Variants in SESN1 observed in about 807,000 individuals in gnomAD.
SESN1 encodes sestrin-1.
SESN1 carries 30 observed loss-of-function variants against 59.3 expected under a neutral mutation model. The ratio of observed to expected loss-of-function variants is 0.51; its 90% CI spans 0.38 to 0.69. The LOEUF is 0.69. SESN1 is among the 30% of genes least tolerant of loss of function. SESN1 has a pLI of 0.00. For missense variants in SESN1, 566 were observed against 673.0 expected, an observed-to-expected ratio of 0.84 and a Z score of 1.76; for synonymous variants, 197 against 219.9, an observed-to-expected ratio of 0.90 and a Z score of 0.92.
chr6:109,033,704 T>G (rs1780215704), intron 1 of SESN1, among the ~76,000 whole-genome samples: 1 of 152,124 alleles, frequency 6.6e-6, no homozygotes, highest in Non-Finnish European at 1.5e-5. Context: ...AAGAGCAAAA[T>G]TTGATAATAT....
At chr6:109,044,427 A>G (rs1186367485) in intron 1 of SESN1, among the ~76,000 whole-genome samples, 1 of 151,772 alleles carries the variant, frequency 6.6e-6, no homozygotes, top group African/African-American at 2.4e-5. Context: ...TAGGACATCC[A>G]TACGCAAAGA....
intron 2 of SESN1, 110 bp downstream of exon 2, chr6:109,002,168 C>CT (rs1779639615): frequency 1.1e-6 from 1 of 902,662 alleles, no homozygotes. Flanking sequence ...GCAACCAACT[C>CT]TGACTAAAAC....
At chr6:109,042,392 T>G (rs1219436058) in intron 1 of SESN1, among the ~76,000 whole-genome samples, 1 of 147,328 alleles carries the variant, frequency 6.8e-6, no homozygotes, top group Non-Finnish European at 1.5e-5. Context: ...AACAAAAGAG[T>G]AAAAGAAAAT....
At chr6:108,991,520 G>A (rs977177544) in intron 7 of SESN1, among the ~76,000 whole-genome samples, 1 of 152,154 alleles carries the variant, frequency 6.6e-6, no homozygotes, top group Non-Finnish European at 1.5e-5. Flanking sequence ...GGGATTACAC[G>A]TGGGAGCCAC....
chr6:109,002,067 G>C (rs887706406), intron 2 of SESN1, among the ~76,000 whole-genome samples: 1 of 151,958 alleles, frequency 6.6e-6, no homozygotes, highest in Non-Finnish European at 1.5e-5. Context: ...ATTAAATATG[G>C]GTGTTAAAAA....
chr6:108,998,400 A>G (rs920849155), intron 5 of SESN1, 113 bp downstream of exon 5: 6 of 1,274,758 alleles, frequency 4.7e-6, no homozygotes, highest in Admixed American at 4.0e-5. Context: ...TAGGGGCCCA[A>G]TATCTCCACA....
In SESN1 at chr6:108,985,880, CAT is replaced by C. The variant is rs969691805; in HGVS notation, c.*1662_*1663del. On this transcript the variant is annotated 3_prime_UTR_variant, in exon 10 of 10. Transcript: ENST00000436639. ...TAAGTAAGTTTCTTTAAATATAAAA[CAT>C]ATTGAAGATAATAATACTCTATTCC... Among the ~76,000 whole-genome samples the C allele has an allele frequency of 2.6e-4, 40 of 152,226 alleles. No homozygotes were observed. The highest frequency in any genetic ancestry group is 8.7e-4 in the African/African-American group (36 of 41,532).
At chr6:109,015,590 G>A (rs970585453) in intron 1 of SESN1, among the ~76,000 whole-genome samples, 6 of 152,114 alleles carry the variant, frequency 3.9e-5, no homozygotes, top group African/African-American at 1.4e-4. Flanking sequence ...AATGTTTAGA[G>A]GCTACTTTTC....
intron 1 of SESN1, among the ~76,000 whole-genome samples, chr6:109,051,653 TTAA>T (rs1356730653): frequency 6.6e-6 from 1 of 152,232 alleles, no homozygotes; most frequent in African/African-American, 2.4e-5. Flanking sequence ...TGATAAATCA[TTAA>T]TGTGACATTG....
chr6:109,064,763 A>G (rs1247296524), intron 1 of SESN1, among the ~76,000 whole-genome samples: 2 of 151,492 alleles, frequency 1.3e-5, no homozygotes, highest in African/African-American at 4.9e-5. Context: ...GAGTATATGA[A>G]GTATAAACAA....
intron 1 of SESN1, among the ~76,000 whole-genome samples, chr6:109,008,270 G>A (rs12200578): frequency 0.1 from 15,227 of 152,162 alleles, 928 homozygotes; most frequent in Middle Eastern, 0.19. Flanking sequence ...TACTCAAAAA[G>A]AGAAAAGATC....
intron 8 of SESN1, among the ~76,000 whole-genome samples, chr6:108,989,410 T>A (rs996694608): frequency 6.7e-6 from 1 of 149,108 alleles, no homozygotes; most frequent in Non-Finnish European, 1.5e-5. Context: ...TAGATAGATA[T>A]CTCTAGATCT....
At position 108,985,409 on chromosome 6, in the gene SESN1, C is replaced by T. The variant is rs915493220; in HGVS notation, c.*2135G>A. ...GATATCCCCAGTGTAATGTACCTTC[C>T]CTAATTATTTTGGAAACTACTGGTT... On this transcript the variant is annotated 3_prime_UTR_variant, in exon 10 of 10. Transcript: ENST00000436639. 3.3e-5 allele frequency among the ~76,000 whole-genome samples: 5 copies of T among 152,010 alleles called. No homozygotes were observed. The highest frequency in any genetic ancestry group is 9.7e-5 in the African/African-American group (4 of 41,368).
chr6:109,034,750 G>C (rs993376253), intron 1 of SESN1, among the ~76,000 whole-genome samples: 3 of 152,204 alleles, frequency 2.0e-5, no homozygotes, highest in African/African-American at 7.2e-5. Flanking sequence ...TTCTTCGTCT[G>C]TCTGAAATGT....
intron 1 of SESN1, among the ~76,000 whole-genome samples, chr6:109,040,791 T>C (rs1780327605): frequency 6.6e-6 from 1 of 151,958 alleles, no homozygotes; most frequent in African/African-American, 2.4e-5. Flanking sequence ...TAGCTGGAAC[T>C]ACAGGTGCAC....
chr6:109,056,312 G>T (rs1443296384), intron 1 of SESN1, among the ~76,000 whole-genome samples: 1 of 152,192 alleles, frequency 6.6e-6, no homozygotes, highest in Non-Finnish European at 1.5e-5. Flanking sequence ...GCTGAGACAG[G>T]AGGATAACCT....
chr6:109,016,456 C>T (rs145194194), intron 1 of SESN1, among the ~76,000 whole-genome samples: 1 of 152,252 alleles, frequency 6.6e-6, no homozygotes, highest in Non-Finnish European at 1.5e-5. Context: ...CTGCCTTCTT[C>T]AGAGGTCTCT....
At chr6:108,988,144 C>G (rs912330299) in intron 9 of SESN1, among the ~76,000 whole-genome samples, 1 of 152,136 alleles carries the variant, frequency 6.6e-6, no homozygotes, top group Non-Finnish European at 1.5e-5. Context: ...TATCATGTTT[C>G]TTGGAGGTTT....
At chr6:109,088,314 G>C (rs1433592765) in intron 1 of SESN1, 1 of 151,894 alleles carries the variant, frequency 6.6e-6, no homozygotes, top group Non-Finnish European at 1.5e-5. Flanking sequence ...ATCAAGCTTG[G>C]AACTGCCAAC....
Sources: allele counts gnomAD v4.1 joint callset (sites outside exome capture counted in the v4.1 genomes callset), GRCh38; gene constraint gnomAD v4.1.1; transcripts MANE v1.5; gene names NCBI Gene and HGNC (gene_info 2026-07-23, HGNC 2026-07-21).